ZNF385D: variants seen among roughly 807,000 people sequenced by gnomAD.
ZNF385D encodes the protein zinc finger protein 659.
ZNF385D carries 15 observed loss-of-function variants against 35.8 expected under a neutral mutation model. That is an observed-to-expected ratio of 0.42 (90% CI 0.28 to 0.64). ZNF385D has a LOEUF of 0.64. ZNF385D is among the 30% of genes least tolerant of loss of function. ZNF385D has a pLI of 0.23. For missense variants in ZNF385D, 474 were observed against 494.6 expected (o/e 0.96, Z 0.39); for synonymous variants, 212 against 186.8 (o/e 1.13, Z -1.10).
intron 3 of ZNF385D, among the ~76,000 whole-genome samples, chr3:22,023,650 C>T (rs766660885): frequency 6.7e-6 from 1 of 149,958 alleles, no homozygotes; most frequent in African/African-American, 2.5e-5. Context: ...GAGTTAGCAG[C>T]AAAGCAATGC....
chr3:22,078,459 G>A (rs569020138), intron 3 of ZNF385D, among the ~76,000 whole-genome samples: 6 of 152,072 alleles, frequency 3.9e-5, no homozygotes, highest in African/African-American at 1.4e-4. Flanking sequence ...TTTTGCTCCT[G>A]TCAAAAGATG....
chr3:22,113,012 C>T (rs946500041), intron 3 of ZNF385D, among the ~76,000 whole-genome samples: 3 of 151,980 alleles, frequency 2.0e-5, no homozygotes, highest in Non-Finnish European at 2.9e-5. Context: ...CCTTGGTCAA[C>T]CCCAACAATC....
At chr3:22,002,734 A>G (rs1695931927) in intron 3 of ZNF385D, among the ~76,000 whole-genome samples, 1 of 152,162 alleles carries the variant, frequency 6.6e-6, no homozygotes, top group Admixed American at 6.5e-5. Context: ...TCAAAAGATA[A>G]TACACCAGGA....
chr3:21,534,965 C>T (rs1020493016), intron 3 of ZNF385D, among the ~76,000 whole-genome samples: 5 of 152,106 alleles, frequency 3.3e-5, no homozygotes, highest in African/African-American at 7.2e-5. Context: ...ACAAGAAATA[C>T]TATAGTAAGT....
chr3:22,202,434 G>A (rs1352032033), intron 2 of ZNF385D, among the ~76,000 whole-genome samples: 1 of 152,050 alleles, frequency 6.6e-6, no homozygotes, highest in East Asian at 1.9e-4. Flanking sequence ...TGTGCCTGGG[G>A]GAGGTGAGTA....
intron 3 of ZNF385D, among the ~76,000 whole-genome samples, chr3:22,001,013 T>C (rs546407961): frequency 6.6e-6 from 1 of 151,066 alleles, no homozygotes; most frequent in East Asian, 1.9e-4. Context: ...GATTAAGGAA[T>C]CAAAGGTTAC....
chr3:21,704,063 T>C (rs976962509), intron 1 of ZNF385D, among the ~76,000 whole-genome samples: 1 of 152,216 alleles, frequency 6.6e-6, no homozygotes, highest in African/African-American at 2.4e-5. Context: ...CTTTTTCATA[T>C]GCTTTTCAAG....
chr3:21,963,122 A>C (rs1284538563), intron 3 of ZNF385D, among the ~76,000 whole-genome samples: 1 of 152,306 alleles, frequency 6.6e-6, no homozygotes, highest in African/African-American at 2.4e-5. Context: ...AATTTAATAC[A>C]ATTTTCCTGT....
At chr3:21,964,318 T>C (rs925922154) in intron 3 of ZNF385D, among the ~76,000 whole-genome samples, 1 of 136,702 alleles carries the variant, frequency 7.3e-6, no homozygotes, top group Admixed American at 7.7e-5. Context: ...ACAATACAAA[T>C]GGAAAAAAAA....
chr3:22,366,835 G>T (rs1457084822), intron 2 of ZNF385D, among the ~76,000 whole-genome samples: 1 of 152,162 alleles, frequency 6.6e-6, no homozygotes, highest in Non-Finnish European at 1.5e-5. Flanking sequence ...TTACAAAAGA[G>T]AAACAAAGAG....
intron 3 of ZNF385D, among the ~76,000 whole-genome samples, chr3:22,130,427 A>G (rs575821698): frequency 3.4e-4 from 51 of 152,118 alleles, no homozygotes; most frequent in Non-Finnish European, 6.3e-4. Flanking sequence ...TTAGAAACCC[A>G]TTGTGCTTTA....
At chr3:21,746,669 G>A (rs1391998409) in intron 1 of ZNF385D, among the ~76,000 whole-genome samples, 3 of 152,202 alleles carry the variant, frequency 2.0e-5, no homozygotes, top group Admixed American at 2.0e-4. Flanking sequence ...CAGCTTCGGG[G>A]AGATAGAAAC....
At chr3:21,974,052 C>A (rs553740154) in intron 3 of ZNF385D, among the ~76,000 whole-genome samples, 1 of 151,824 alleles carries the variant, frequency 6.6e-6, no homozygotes, top group Non-Finnish European at 1.5e-5. Context: ...ACATTCTTCA[C>A]AGAAATAGAA....
intron 3 of ZNF385D, among the ~76,000 whole-genome samples, chr3:21,802,181 T>C (rs915154657): frequency 6.6e-6 from 1 of 152,154 alleles, no homozygotes; most frequent in South Asian, 2.1e-4. Flanking sequence ...CATTAGCTAA[T>C]GTAGATTGCA....
chr3:21,794,290 G>C (rs1575661399), intron 3 of ZNF385D, among the ~76,000 whole-genome samples: 1 of 151,988 alleles, frequency 6.6e-6, no homozygotes, highest in South Asian at 2.1e-4. Flanking sequence ...AGAGAGCTTA[G>C]ACCATTGGGA....
intron 3 of ZNF385D, among the ~76,000 whole-genome samples, chr3:21,965,280 C>T (rs559838675): frequency 6.6e-6 from 1 of 152,156 alleles, no homozygotes; most frequent in African/African-American, 2.4e-5. Context: ...AAATAATATG[C>T]ATCAAATGAA....
At chr3:22,097,786 A>G (rs1210016278) in intron 3 of ZNF385D, among the ~76,000 whole-genome samples, 1 of 152,032 alleles carries the variant, frequency 6.6e-6, no homozygotes, top group East Asian at 1.9e-4. Flanking sequence ...AATAAAAACT[A>G]TGGGCACTAG....
chr3:21,642,717 G>A (rs572439027), intron 2 of ZNF385D, among the ~76,000 whole-genome samples: 12 of 152,148 alleles, frequency 7.9e-5, no homozygotes, highest in Non-Finnish European at 1.3e-4. Flanking sequence ...ATGAATGGAC[G>A]AACAAAATGT....
rs559963672 is a variant in ZNF385D, at chr3:22,214,387, C to T, written c.107-45352G>A. 5.3e-5 allele frequency among the ~76,000 whole-genome samples: 8 copies of T among 152,076 alleles called. No homozygotes were observed. The South Asian group carries it at 8.3e-4, about 16-fold the overall frequency. ...TGTTTGTAGGGCATGTGTGTTTGAA[C>T]AATATGAAATCTGGGCACCTTGAAA... is the stretch of plus-strand genomic sequence containing the variant. On this transcript the variant is annotated intron_variant, in intron 2 of 5. Coordinates refer to the ZNF385D transcript ENST00000494108.
Sources: gnomAD v4.1 joint callset for allele counts (sites outside exome capture counted in the v4.1 genomes callset) on GRCh38, gnomAD v4.1.1 for gene constraint, MANE v1.5 for transcripts, NCBI Gene and HGNC (gene_info 2026-07-23, HGNC 2026-07-21) for gene names.